DYTN: variants seen among roughly 807,000 people sequenced by gnomAD.
DYTN encodes the protein dystrotelin.
Under a neutral mutation model 69.6 loss-of-function variants are expected in DYTN, and 75 were observed. The ratio of observed to expected loss-of-function variants is 1.08; its 90% CI spans 0.89 to 1.31. DYTN has a LOEUF of 1.31. Ranked by LOEUF, DYTN falls within the 50% of genes most tolerant of loss-of-function variation. The probability of loss-of-function intolerance (pLI) is 0.00; values close to 1 mark genes in which losing one functional copy is unlikely to be tolerated. For synonymous variants in DYTN, 252 were observed against 249.1 expected (o/e 1.01, Z -0.11); for missense variants, 726 against 688.4 (o/e 1.05, Z -0.61).
rs979456662 is a variant in DYTN, at chr2:206,707,336, G to T, written c.262C>A (p.Leu88Ile). 6.2e-7 allele frequency: 1 copy of T among 1,612,684 alleles called. No individual in the cohort carries two copies. Among genetic ancestry groups the T allele is most frequent in the Non-Finnish European group, 8.5e-7 (1 of 1,179,528 alleles). The change falls in exon 3 of 12, where the codon CTC becomes ATC. Residue 88 changes from leucine to isoleucine, a missense_variant. Transcript: ENST00000452335. ...ATTGTCGTGAGAAGGCTCAGAGTGA[G>T]TTCCGGAGCTCTGGGATGCACTTGT... ...PGQVHPRAPELTLSLLTTMYN... is the reference protein window; with the variant it reads ...PGQVHPRAPEITLSLLTTMYN...
chr2:206,656,572 G>T (rs932236280), intron 11 of DYTN, among the ~76,000 whole-genome samples: 1 of 151,936 alleles, frequency 6.6e-6, no homozygotes, highest in African/African-American at 2.4e-5. Context: ...CTTCTAGTTT[G>T]CTGTCTTTTT....
intron 11 of DYTN, among the ~76,000 whole-genome samples, chr2:206,661,239 C>T (rs75105610): frequency 0.032 from 4,799 of 152,226 alleles, 105 homozygotes; most frequent in Middle Eastern, 0.061. Context: ...TTTGGTTCTT[C>T]GTTTAAGCCA....
chr2:206,658,667 A>G (rs1407399170), intron 11 of DYTN, among the ~76,000 whole-genome samples: 1 of 152,186 alleles, frequency 6.6e-6, no homozygotes, highest in Admixed American at 6.5e-5. Context: ...TGAATGGTCC[A>G]ATTGTTTCCC....
chr2:206,695,710 C>G (rs1044513464), intron 7 of DYTN, among the ~76,000 whole-genome samples: 3 of 152,170 alleles, frequency 2.0e-5, no homozygotes, highest in Non-Finnish European at 2.9e-5. Context: ...TATAAAATAA[C>G]AGGGAGCTAT....
In DYTN at chr2:206,675,113, A is replaced by ATGTGTGTGTGTGTGTG. The variant is rs879629081; in HGVS notation, c.981-9085_981-9084insCACACACACACACACA. On this transcript the variant is annotated intron_variant, in intron 9 of 11. Transcript: ENST00000452335. Reference sequence around the variant, plus strand: ...ATTGGAGGGGAAAAAACATATATATATATGTGTGTGTGTGTGTGTGTGTGT... The same window carrying ATGTGTGTGTGTGTGTG: ...ATTGGAGGGGAAAAAACATATATATATGTGTGTGTGTGTGTGTATGTGTGTGTGTGTGTGTGTGTGT... 1.2e-4 allele frequency among the ~76,000 whole-genome samples: 15 copies of ATGTGTGTGTGTGTGTG among 122,668 alleles called. 1 individual carries two copies. The highest frequency in any genetic ancestry group is 5.5e-4 in the South Asian group (2 of 3,660). The allele number at this position is 122,668 out of a possible 152,430, so 80.5% of individuals were successfully genotyped here.
At chr2:206,670,708 A>G (rs1239172835) in intron 9 of DYTN, 1 of 152,244 alleles carries the variant, frequency 6.6e-6, no homozygotes, top group Non-Finnish European at 1.5e-5. Context: ...ACATTCGTGT[A>G]TGATGACGCA....
intron 1 of DYTN, among the ~76,000 whole-genome samples, chr2:206,714,563 A>C (rs1700110022): frequency 6.6e-6 from 1 of 152,172 alleles, no homozygotes; most frequent in Admixed American, 6.5e-5. Flanking sequence ...CCATGAAAGA[A>C]TTAATCTGGA....
At chr2:206,657,572 A>G (rs1308095922) in intron 11 of DYTN, among the ~76,000 whole-genome samples, 1 of 151,886 alleles carries the variant, frequency 6.6e-6, no homozygotes, top group Admixed American at 6.6e-5. Context: ...AAATACCACT[A>G]TTTTCATTTT....
chr2:206,716,217 TG>T (rs1700129178), intron 1 of DYTN, among the ~76,000 whole-genome samples: 1 of 152,190 alleles, frequency 6.6e-6, no homozygotes, highest in Non-Finnish European at 1.5e-5. Flanking sequence ...TTGAGTGTTG[TG>T]GGGTAAAGTA....
chr2:206,706,519 A>C (rs180719411), intron 3 of DYTN, among the ~76,000 whole-genome samples: 2 of 151,822 alleles, frequency 1.3e-5, no homozygotes, highest in East Asian at 3.9e-4. Context: ...ACTAGAAGAG[A>C]AAATAACTGT....
chr2:206,672,278 C>T (rs1699637920), intron 9 of DYTN, among the ~76,000 whole-genome samples: 1 of 152,006 alleles, frequency 6.6e-6, no homozygotes, highest in African/African-American at 2.4e-5. Flanking sequence ...TAGGATGTAG[C>T]AACTTTAATA....
intron 3 of DYTN, 124 bp downstream of exon 3, chr2:206,707,178 A>G: frequency 1.6e-6 from 2 of 1,233,356 alleles, no homozygotes; most frequent in Non-Finnish European, 2.2e-6. Context: ...ATTTGTGAAA[A>G]ACAAACAAAG....
chr2:206,654,098 G>A (rs1367028662), intron 11 of DYTN, among the ~76,000 whole-genome samples: 2 of 152,198 alleles, frequency 1.3e-5, no homozygotes, highest in Non-Finnish European at 2.9e-5. Flanking sequence ...ATTGAATGAT[G>A]AGCCAACTAC....
At chr2:206,705,004 CT>C in intron 4 of DYTN, 61 bp from the exon 5 acceptor site, 1 of 1,361,090 alleles carries the variant, frequency 7.3e-7, no homozygotes, top group Non-Finnish European at 1.0e-6. Context: ...TTGAAGAGTA[CT>C]TGCTTTGAAG....
intron 9 of DYTN, among the ~76,000 whole-genome samples, chr2:206,673,615 C>T (rs1389533468): frequency 6.6e-6 from 1 of 152,140 alleles, no homozygotes; most frequent in Non-Finnish European, 1.5e-5. Context: ...CAAGTTAAGG[C>T]CCTCTGGGCA....
chr2:206,711,278 A>G (rs1390486400), intron 1 of DYTN, among the ~76,000 whole-genome samples: 1 of 152,242 alleles, frequency 6.6e-6, no homozygotes, highest in Non-Finnish European at 1.5e-5. Flanking sequence ...CCTTCTTTTG[A>G]GAGTTACCAT....
intron 9 of DYTN, among the ~76,000 whole-genome samples, chr2:206,685,142 G>A (rs962865297): frequency 9.8e-6 from 1 of 101,642 alleles, no homozygotes; most frequent in Non-Finnish European, 2.0e-5. Context: ...AAGTAGCATG[G>A]CTTATTTATT....
intron 11 of DYTN, 28 bp downstream of exon 11, chr2:206,662,875 C>T (rs368527154): frequency 2.9e-5 from 46 of 1,579,672 alleles, no homozygotes; most frequent in Non-Finnish European, 3.6e-5. Flanking sequence ...TTGGCCATCA[C>T]GATGTCTATG....
At chr2:206,654,459 C>T (rs578124100) in intron 11 of DYTN, among the ~76,000 whole-genome samples, 1 of 152,128 alleles carries the variant, frequency 6.6e-6, no homozygotes, top group East Asian at 1.9e-4. Context: ...TTCTAGCTTA[C>T]TTTTTTGTAA....
Sources: allele counts gnomAD v4.1 joint callset (sites outside exome capture counted in the v4.1 genomes callset), GRCh38; gene constraint gnomAD v4.1.1; transcripts MANE v1.5; gene names NCBI Gene and HGNC (gene_info 2026-07-23, HGNC 2026-07-21).